The following CSMD3 variants were observed in gnomAD, a reference collection of about 807,000 sequenced individuals.
CSMD3 encodes the protein CUB and sushi domain-containing protein 3.
Under a neutral mutation model 435.2 loss-of-function variants are expected in CSMD3, and 177 were observed. That is an observed-to-expected ratio of 0.41 (90% CI 0.36 to 0.46). The LOEUF (loss-of-function observed/expected upper bound fraction) is 0.46, where lower values mean the gene tolerates loss of function less well. Ranked by LOEUF, CSMD3 falls within the 20% of genes least tolerant of loss-of-function variation. CSMD3 has a pLI of 0.34. For synonymous variants in CSMD3, 1,656 were observed against 1,520.5 expected, an observed-to-expected ratio of 1.09 and a Z score of -2.07; for missense variants, 4,265 against 4,504.6, an observed-to-expected ratio of 0.95 and a Z score of 1.52.
intron 1 of CSMD3, among the ~76,000 whole-genome samples, chr8:113,381,038 T>C (rs1219083111): frequency 6.6e-6 from 1 of 152,202 alleles, no homozygotes; most frequent in African/African-American, 2.4e-5. Flanking sequence ...CCCGTCTCCA[T>C]ATATAAATGC....
intron 4 of CSMD3, among the ~76,000 whole-genome samples, chr8:113,114,144 CAA>C (rs561855467): frequency 6.6e-6 from 1 of 151,568 alleles, no homozygotes; most frequent in Non-Finnish European, 1.5e-5. Context: ...ACAAGAAAGA[CAA>C]AAAAAGATAT....
chr8:112,281,568 C>CT (rs958122200), intron 58 of CSMD3, among the ~76,000 whole-genome samples: 21 of 152,008 alleles, frequency 1.4e-4, no homozygotes, highest in Non-Finnish European at 2.1e-4. Flanking sequence ...TTTCTTAAGA[C>CT]TTTTTTTAGC....
At chr8:112,495,241 G>A (rs1258547348) in intron 30 of CSMD3, among the ~76,000 whole-genome samples, 4 of 152,144 alleles carry the variant, frequency 2.6e-5, no homozygotes, top group Admixed American at 1.3e-4. Context: ...GCTGGGCTTC[G>A]TAAAATTAAA....
At chr8:112,245,305 C>T (rs533593405) in intron 64 of CSMD3, among the ~76,000 whole-genome samples, 7 of 151,912 alleles carry the variant, frequency 4.6e-5, no homozygotes, top group African/African-American at 9.6e-5. Context: ...TTCCTTTCTC[C>T]GTCAGAGATA....
chr8:113,134,758 T>C (rs2131700777), intron 4 of CSMD3, among the ~76,000 whole-genome samples: 1 of 152,166 alleles, frequency 6.6e-6, no homozygotes, highest in Non-Finnish European at 1.5e-5. Context: ...TATAACAGAA[T>C]ACCTGAGGTT....
At chr8:112,922,134 C>T (rs942245906) in intron 9 of CSMD3, among the ~76,000 whole-genome samples, 6 of 152,042 alleles carry the variant, frequency 3.9e-5, no homozygotes, top group African/African-American at 1.4e-4. Flanking sequence ...TGCATTTACA[C>T]ATGCATTTGT....
intron 2 of CSMD3, chr8:113,310,569 A>C (rs1784668517): frequency 6.6e-6 from 1 of 151,936 alleles, no homozygotes; most frequent in Non-Finnish European, 1.5e-5. Context: ...CATGGTTATC[A>C]AACAAGAGAA....
intron 1 of CSMD3, among the ~76,000 whole-genome samples, chr8:113,348,393 C>T (rs1008857196): frequency 2.0e-5 from 3 of 152,078 alleles, no homozygotes; most frequent in African/African-American, 7.2e-5. Context: ...CAAACAAAGA[C>T]AACCTGGTGA....
At chr8:112,405,244 T>TATATATATAC (rs1554668933) in intron 35 of CSMD3, among the ~76,000 whole-genome samples, 2 of 83,322 alleles carry the variant, frequency 2.4e-5, no homozygotes, top group African/African-American at 1.0e-4. Context: ...TATATATATA[T>TATATATATAC]ATACATATAT....
At chr8:112,372,634 G>C (rs1828515006) in intron 38 of CSMD3, among the ~76,000 whole-genome samples, 1 of 152,058 alleles carries the variant, frequency 6.6e-6, no homozygotes, top group Non-Finnish European at 1.5e-5. Context: ...CGGATTGCCT[G>C]AGCACAGGAG....
rs912471803 is a variant in CSMD3 at position 113,164,422 on chromosome 8, C to CAA, written c.709+9298_709+9299dup. On this transcript the variant is annotated intron_variant, in intron 4 of 70. Coordinates refer to ENST00000297405, the MANE Select transcript of CSMD3 (RefSeq NM_198123.2). ...TTGGTCAAAATATAAGGAATTAGTG[C>CAA]AAAAAAAAAAAGAAAAAAAAACAAT... Among the ~76,000 whole-genome samples the CAA allele has an allele frequency of 4.2e-3, 422 of 101,618 alleles. 3 individuals carry two copies. Among genetic ancestry groups the CAA allele is most frequent in the African/African-American group, 0.014 (389 of 27,008 alleles). The allele number at this position is 101,618 out of a possible 152,430, so 66.7% of individuals were successfully genotyped here. A position where few individuals can be genotyped will look rare whatever the true frequency, so the allele number is the denominator to read the frequency against.
chr8:113,016,200 C>T (rs565802979), intron 6 of CSMD3, among the ~76,000 whole-genome samples: 2 of 151,700 alleles, frequency 1.3e-5, no homozygotes, highest in South Asian at 4.1e-4. Context: ...AATACAGGAG[C>T]TCAGAGTGAG....
At chr8:112,837,190 A>G (rs998269456) in intron 11 of CSMD3, among the ~76,000 whole-genome samples, 6 of 151,820 alleles carry the variant, frequency 4.0e-5, no homozygotes, top group South Asian at 2.1e-4. Flanking sequence ...CTATTGATAC[A>G]AGTTCTTTTG....
chr8:112,948,543 T>G (rs2083693598), intron 8 of CSMD3, among the ~76,000 whole-genome samples: 1 of 152,048 alleles, frequency 6.6e-6, no homozygotes, highest in Non-Finnish European at 1.5e-5. Flanking sequence ...GATGTATTAA[T>G]TTTTTCAGTG....
chr8:112,412,031 A>ATTATCTATCTTATTG (rs2130138259), intron 32 of CSMD3, among the ~76,000 whole-genome samples: 1 of 152,208 alleles, frequency 6.6e-6, no homozygotes, highest in South Asian at 2.1e-4. Flanking sequence ...TTGTAAATTC[A>ATTATCTATCTTATTG]TTTTAACATT....
At chr8:113,265,169 A>T (rs1036253237) in intron 3 of CSMD3, among the ~76,000 whole-genome samples, 4 of 151,640 alleles carry the variant, frequency 2.6e-5, no homozygotes, top group African/African-American at 9.7e-5. Context: ...GTATGGACAC[A>T]TCTGAGCATA....
chr8:112,246,218 C>T (rs1814711031), intron 64 of CSMD3, among the ~76,000 whole-genome samples: 1 of 152,054 alleles, frequency 6.6e-6, no homozygotes, highest in Admixed American at 6.6e-5. Context: ...TCCCTAGGTG[C>T]CCCCACAATC....
At chr8:112,876,070 T>G (rs1399118526) in intron 10 of CSMD3, among the ~76,000 whole-genome samples, 8 of 152,074 alleles carry the variant, frequency 5.3e-5, no homozygotes, top group Admixed American at 5.3e-4. Context: ...CAACGGTCTT[T>G]GATGTCGGTG....
At position 112,323,721 on chromosome 8, in the gene CSMD3, G is replaced by A. The variant is rs542918538; in HGVS notation, c.7166-3740C>T. Among the ~76,000 whole-genome samples, 13 of 152,132 alleles carry A rather than the reference G, an allele frequency of 8.5e-5. No homozygotes were observed. The South Asian group carries it at 2.1e-3, about 24-fold the overall frequency. The stretch of plus-strand genomic sequence containing the variant: ...GTGTTATTAAATTGGCCTATAGTGT[G>A]TTCCTTACCTTCAGTGTCTCCCTGA... On this transcript the variant is annotated intron_variant, in intron 45 of 70. Coordinates refer to ENST00000297405, the MANE Select transcript of CSMD3 (RefSeq NM_198123.2).
Sources: gnomAD v4.1 joint callset for allele counts (sites outside exome capture counted in the v4.1 genomes callset) on GRCh38, gnomAD v4.1.1 for gene constraint, MANE v1.5 for transcripts, NCBI Gene and HGNC (gene_info 2026-07-23, HGNC 2026-07-21) for gene names.